Variants in PTP4A3 observed in about 807,000 individuals in gnomAD.
PTP4A3 encodes the protein protein tyrosine phosphatase 4A3.
PTP4A3 carries 9 observed loss-of-function variants against 15.2 expected under a neutral mutation model. The observed-to-expected ratio is 0.59, with a 90% CI of 0.36 to 1.03. PTP4A3 has a LOEUF of 1.03. PTP4A3 is among the 50% of genes least tolerant of loss of function. The probability of loss-of-function intolerance (pLI) is 0.02; values close to 1 mark genes in which losing one functional copy is unlikely to be tolerated. For missense variants in PTP4A3, 234 were observed against 252.1 expected, an observed-to-expected ratio of 0.93 and a Z score of 0.49; for synonymous variants, 95 against 102.0, an observed-to-expected ratio of 0.93 and a Z score of 0.41.
At chr8:141,408,766 G>A (rs552457227) in intron 1 of PTP4A3, among the ~76,000 whole-genome samples, 1 of 152,338 alleles carries the variant, frequency 6.6e-6, no homozygotes, top group South Asian at 2.1e-4. Context: ...TCGTTGCCCT[G>A]CCCCCGGGTT....
chr8:141,426,913 GTCC>G, intron 3 of PTP4A3, 23 bp from the exon 4 acceptor site: 2 of 1,606,990 alleles, frequency 1.2e-6, no homozygotes, highest in Non-Finnish European at 1.7e-6. Context: ...TCAGCCGGGG[GTCC>G]TCATGTCTGC....
chr8:141,431,211 G>T lies in PTP4A3; in HGVS notation c.*167G>T, dbSNP rs1314242174. ...CTCCGTGCACTTGTGTCCGAGGAGC[G>T]AGGAGCCCCTCGGGCCCTGGGTGGC... On this transcript the variant is annotated 3_prime_UTR_variant, in exon 6 of 6. Transcript: ENST00000521578. 6.2e-6 allele frequency: 4 copies of T among 649,162 alleles called. No homozygotes were observed. In the African/African-American group the frequency reaches 7.3e-5, roughly 12 times the overall value. The allele number at this position is 649,162 out of a possible 1,614,324, so 40.2% of individuals were successfully genotyped here. A position where few individuals can be genotyped will look rare whatever the true frequency, so the allele number is the denominator to read the frequency against.
At chr8:141,408,244 G>T (rs59515857) in intron 1 of PTP4A3, among the ~76,000 whole-genome samples, 4,418 of 152,278 alleles carry the variant, frequency 0.029, 156 homozygotes, top group African/African-American at 0.079. Flanking sequence ...GTGGGAGGGG[G>T]CGATGGAAGT....
At position 141,425,849 on chromosome 8, in the gene PTP4A3, C is replaced by T. The variant is rs113426591; in HGVS notation, c.198+709C>T. ...GCTTGGCGGTTTGGAATGGTGGCAG[C>T]GCTGGCGGTTTGGGGTCAGACAGGC... On this transcript the variant is annotated intron_variant, in intron 3 of 5. Transcript: ENST00000521578. This position sits in a 1 kb window ranked among gnomAD's most constrained non-coding sequence, Gnocchi z 4.2. Among the ~76,000 whole-genome samples the T allele has an allele frequency of 3.3e-5, 5 of 152,320 alleles. No homozygotes were observed. In the East Asian group the frequency reaches 5.8e-4, roughly 18 times the overall value.
At position 141,425,262 on chromosome 8, in the gene PTP4A3, C is replaced by A; in HGVS notation, c.198+122C>A. 1.0e-6 allele frequency: 1 copy of A among 1,003,844 alleles called. No individual in the cohort carries two copies. The highest frequency in any genetic ancestry group is 1.5e-6 in the Non-Finnish European group (1 of 676,532). The allele number at this position is 1,003,844 out of a possible 1,614,324, so 62.2% of individuals were successfully genotyped here. On this transcript the variant is annotated intron_variant, in intron 3 of 5. Coordinates refer to ENST00000521578, the MANE Select transcript of PTP4A3 (RefSeq NM_032611.3). The surrounding 1 kb of genome is among the most constrained non-coding windows in gnomAD (Gnocchi z 4.2). ...TGTGGCAGCCCTGGGCATGTCTGTG[C>A]CTGGGCCACGTGTGTGTCTGGGTAC...
At chr8:141,424,217 CTGATT>C (rs1833461507) in intron 2 of PTP4A3, among the ~76,000 whole-genome samples, 1 of 152,198 alleles carries the variant, frequency 6.6e-6, no homozygotes, top group African/African-American at 2.4e-5. Context: ...GACCCATCAG[CTGATT>C]CCTCACCCCT....
rs112568679 is a variant in PTP4A3 at position 141,426,438 on chromosome 8, C to T, written c.199-501C>T. ...GAGTCCTGCCCTCAGAAATGTGGGCCCTGTCTCGCCCCACAGCCCTGTCTT... is the reference window on the plus strand; with the variant it reads ...GAGTCCTGCCCTCAGAAATGTGGGCTCTGTCTCGCCCCACAGCCCTGTCTT... On this transcript the variant is annotated intron_variant, in intron 3 of 5. Transcript: ENST00000521578. 1,395 of 985,348 alleles carry T rather than the reference C, an allele frequency of 1.4e-3. 18 individuals are homozygous for T. In the African/African-American group the frequency reaches 0.023, roughly 16 times the overall value. 61.0% of individuals were successfully genotyped at this position (985,348 alleles called of 1,614,324 possible). A position where few individuals can be genotyped will look rare whatever the true frequency, so the allele number is the denominator to read the frequency against.
chr8:141,415,601 G>T (rs1428597295), intron 1 of PTP4A3, among the ~76,000 whole-genome samples: 1 of 137,886 alleles, frequency 7.3e-6, no homozygotes, highest in Non-Finnish European at 1.6e-5. Flanking sequence ...CTCCGGGTGG[G>T]CCCTTTTGAC....
In PTP4A3 at chr8:141,426,536, C is replaced by T. The variant is rs1383765690; in HGVS notation, c.199-403C>T. The T allele has an allele frequency of 6.1e-6, 6 of 985,420 alleles. No individual in the cohort carries two copies. The Middle Eastern group carries it at 2.1e-3, about 343-fold the overall frequency. The allele number at this position is 985,420 out of a possible 1,614,324, so 61.0% of individuals were successfully genotyped here. A position where few individuals can be genotyped will look rare whatever the true frequency, so the allele number is the denominator to read the frequency against. On this transcript the variant is annotated intron_variant, in intron 3 of 5. Coordinates refer to ENST00000521578, the MANE Select transcript of PTP4A3 (RefSeq NM_032611.3). ...TTGCATGCCAGCACAGGGGATGAGA[C>T]CCTTTGCACCAGCCGACCCAAAACC...
At chr8:141,416,291 G>C (rs1008289308) in intron 1 of PTP4A3, among the ~76,000 whole-genome samples, 1 of 152,112 alleles carries the variant, frequency 6.6e-6, no homozygotes, top group African/African-American at 2.4e-5. Flanking sequence ...GCAGGGTCTC[G>C]GGGGCAGCAA....
rs1250424246 is a variant in PTP4A3, at chr8:141,431,663, G to C, written c.*619G>C. On this transcript the variant is annotated 3_prime_UTR_variant, in exon 6 of 6. Coordinates refer to ENST00000521578, the MANE Select transcript of PTP4A3 (RefSeq NM_032611.3). ...GCGCTGCCCTCTGGTGGCCGCTCTG[G>C]GTCCTTGCACCCCGACCCAGGGGCC... 2 of 152,558 alleles carry C rather than the reference G, an allele frequency of 1.3e-5. No homozygotes were observed. Among genetic ancestry groups the C allele is most frequent in the Admixed American group, 1.3e-4 (2 of 15,304 alleles). The allele number at this position is 152,558 out of a possible 1,614,324, so 9.5% of individuals were successfully genotyped here.
At position 141,425,191 on chromosome 8, in the gene PTP4A3, T is replaced by TGGGTGGGG; in HGVS notation, c.198+54_198+55insTGGGGGGG. 1 of 287,822 alleles carries TGGGTGGGG rather than the reference T, an allele frequency of 3.5e-6. No individual in the cohort carries two copies. The allele number at this position is 287,822 out of a possible 1,614,324, so 17.8% of individuals were successfully genotyped here. On this transcript the variant is annotated intron_variant, in intron 3 of 5. Coordinates refer to ENST00000521578, the MANE Select transcript of PTP4A3 (RefSeq NM_032611.3). The surrounding 1 kb of genome is among the most constrained non-coding windows in gnomAD (Gnocchi z 4.2). Reference sequence around the variant, plus strand: ...AGTCACTGCTGCCACCGGGGGAGGGTGGGGCGGGGGGCTCCGGGCCTGCGC... The same window carrying TGGGTGGGG: ...AGTCACTGCTGCCACCGGGGGAGGGTGGGTGGGGGGGGCGGGGGGCTCCGGGCCTGCGC...
intron 1 of PTP4A3, among the ~76,000 whole-genome samples, chr8:141,414,572 C>T (rs1024921719): frequency 6.8e-6 from 1 of 146,666 alleles, no homozygotes; most frequent in Non-Finnish European, 1.5e-5. Flanking sequence ...GAGGTTCGGG[C>T]AGGTGGCTGA....
In PTP4A3 at chr8:141,400,290, C is replaced by T. The variant is rs555633826; in HGVS notation, c.-854+8206C>T. ...ACTGTGCCCGGCCCACATCTGTGCC[C>T]GGCCCACCACTGTGCCAGGCGCAAA... is the stretch of plus-strand genomic sequence containing the variant. On this transcript the variant is annotated intron_variant, in intron 1 of 5. Transcript: ENST00000521578. Among the ~76,000 whole-genome samples, 12 of 149,616 alleles carry T rather than the reference C, an allele frequency of 8.0e-5. No individual in the cohort carries two copies. In the South Asian group the frequency reaches 1.7e-3, roughly 21 times the overall value.
intron 1 of PTP4A3, among the ~76,000 whole-genome samples, chr8:141,400,433 G>A (rs1161817371): frequency 6.6e-6 from 1 of 152,226 alleles, no homozygotes; most frequent in Non-Finnish European, 1.5e-5. Flanking sequence ...GAACCGTGCC[G>A]GCCTCGGGTG....
Position 141,422,330 on chromosome 8 carries a change from C to T in PTP4A3, c.90C>T (p.Leu30=). The T allele has an allele frequency of 1.2e-6, 2 of 1,613,508 alleles. No individual in the cohort carries two copies. The highest frequency in any genetic ancestry group is 1.7e-6 in the Non-Finnish European group (2 of 1,179,988). ...CCCACAACCCCACCAACGCCACGCT[C>T]AGCACCTTCATTGAGGTGAGTGGAG... The part of the protein sequence containing the change: ...LITHNPTNAT[L]STFIEDLKKY... The change falls in exon 2 of 6, where the codon CTC becomes CTT. Residue 30 remains leucine, a synonymous_variant. Transcript: ENST00000521578.
At chr8:141,428,404 G>A (rs1249329240) in intron 5 of PTP4A3, among the ~76,000 whole-genome samples, 1 of 152,170 alleles carries the variant, frequency 6.6e-6, no homozygotes, top group Non-Finnish European at 1.5e-5. Context: ...GGGGTCCTGG[G>A]GGAGTCTGGC....
intron 1 of PTP4A3, among the ~76,000 whole-genome samples, chr8:141,395,083 G>A (rs1314157211): frequency 2.6e-5 from 4 of 152,160 alleles, no homozygotes; most frequent in Non-Finnish European, 2.9e-5. Flanking sequence ...AGCTACCTAC[G>A]GCAGCTGAGA....
intron 1 of PTP4A3, among the ~76,000 whole-genome samples, chr8:141,396,515 G>C (rs747007168): frequency 6.6e-6 from 1 of 152,176 alleles, no homozygotes; most frequent in Non-Finnish European, 1.5e-5. Context: ...CTCTCTCACC[G>C]AGCCCACAGC....
Sources: gnomAD v4.1 joint callset for allele counts (sites outside exome capture counted in the v4.1 genomes callset) on GRCh38, gnomAD v4.1.1 for gene constraint, Gnocchi (gnomAD v3.1) non-coding constraint, MANE v1.5 for transcripts, NCBI Gene and HGNC (gene_info 2026-07-23, HGNC 2026-07-21) for gene names.